NHSL3: variants seen among roughly 807,000 people sequenced by gnomAD.
NHSL3 encodes NHS like 3.
At chr1:32,768,308 G>T in the NHSL3 span, among the ~76,000 whole-genome samples, 1 of 152,138 alleles carries the variant, frequency 6.6e-6, no homozygotes, top group East Asian at 1.9e-4. Context: ...AAGTTCGAGT[G>T]GGAGGCTGGG....
the NHSL3 span, chr1:32,754,015 C>T: frequency 1.2e-5 from 6 of 510,002 alleles, no homozygotes; most frequent in Admixed American, 1.6e-4. Context: ...CGCTGCCTCC[C>T]TCCCGGGGCT....
At chr1:32,741,933 G>C in the NHSL3 span, 1 of 676,796 alleles carries the variant, frequency 1.5e-6, no homozygotes, top group Non-Finnish European at 1.9e-6. The surrounding 1 kb of genome is among the most constrained non-coding windows in gnomAD (Gnocchi z 4.3). Context: ...CTGACCCGCC[G>C]CCCGCTCCGC....
chr1:32,756,986 T>C, the NHSL3 span, among the ~76,000 whole-genome samples: 1 of 152,174 alleles, frequency 6.6e-6, no homozygotes, highest in East Asian at 1.9e-4. Flanking sequence ...AAAAAACAAA[T>C]GGAGTTGAGA....
chr1:32,744,442 G>C, the NHSL3 span, among the ~76,000 whole-genome samples: 1 of 152,180 alleles, frequency 6.6e-6, no homozygotes, highest in Non-Finnish European at 1.5e-5. Flanking sequence ...CTCAGGGACA[G>C]TGAGTGACTG....
the NHSL3 span, among the ~76,000 whole-genome samples, chr1:32,763,007 G>C: frequency 7.0e-6 from 1 of 142,006 alleles, no homozygotes; most frequent in Non-Finnish European, 1.5e-5. Flanking sequence ...TTGAGACGGA[G>C]TCTCTCTCTG....
chr1:32,754,129 C>G, the NHSL3 span: 1 of 711,674 alleles, frequency 1.4e-6, no homozygotes, highest in African/African-American at 1.8e-5. Context: ...CCCCAGCGGT[C>G]CCCGGGTCCG....
chr1:32,757,181 A>G, the NHSL3 span, among the ~76,000 whole-genome samples: 2 of 152,210 alleles, frequency 1.3e-5, no homozygotes, highest in African/African-American at 2.4e-5. Context: ...GTGCCAGTAT[A>G]AGTACTCATT....
At chr1:32,771,896 C>A in the NHSL3 span, 1 of 1,587,722 alleles carries the variant, frequency 6.3e-7, no homozygotes, top group South Asian at 1.1e-5. Context: ...CTGGGGCCAT[C>A]GGCCCCCCAG....
At chr1:32,769,176 C>G in the NHSL3 span, among the ~76,000 whole-genome samples, 2 of 151,992 alleles carry the variant, frequency 1.3e-5, no homozygotes, top group Non-Finnish European at 2.9e-5. Context: ...ATGGCGTGAA[C>G]CCAGGAGGTG....
At chr1:32,772,917 C>G in the NHSL3 span, 1 of 1,611,934 alleles carries the variant, frequency 6.2e-7, no homozygotes, top group South Asian at 1.1e-5. Flanking sequence ...CACTGCTGAC[C>G]CATCCCAGAA....
the NHSL3 span, chr1:32,774,265 G>C: frequency 6.6e-6 from 1 of 152,372 alleles, no homozygotes; most frequent in African/African-American, 2.4e-5. Flanking sequence ...ACCAAGGAGA[G>C]AGGTTGACAT....
At chr1:32,752,705 G>A in the NHSL3 span, among the ~76,000 whole-genome samples, 2 of 151,550 alleles carry the variant, frequency 1.3e-5, no homozygotes, top group Non-Finnish European at 2.9e-5. Flanking sequence ...AGCCTCCCAA[G>A]TAGCTGGGAT....
the NHSL3 span, chr1:32,765,711 G>T: frequency 1.3e-6 from 2 of 1,543,604 alleles, no homozygotes; most frequent in Admixed American, 2.0e-5. Flanking sequence ...GGTACGCCCC[G>T]CGCTCTGCTC....
At chr1:32,761,285 C>T in the NHSL3 span, among the ~76,000 whole-genome samples, 1 of 152,130 alleles carries the variant, frequency 6.6e-6, no homozygotes. Flanking sequence ...GTTGCTGAGC[C>T]CCTCCCCAAG....
the NHSL3 span, among the ~76,000 whole-genome samples, chr1:32,745,865 G>T: frequency 2.6e-4 from 40 of 152,080 alleles, no homozygotes; most frequent in Admixed American, 6.6e-4. Flanking sequence ...TGATGATGAT[G>T]ATTATTGAGG....
At chr1:32,748,704 C>T in the NHSL3 span, among the ~76,000 whole-genome samples, 105 of 152,220 alleles carry the variant, frequency 6.9e-4, no homozygotes, top group African/African-American at 2.2e-3. Context: ...GTAAAGGGCA[C>T]CTCAGTGTCC....
the NHSL3 span, among the ~76,000 whole-genome samples, chr1:32,760,921 G>A: frequency 2.6e-5 from 4 of 152,004 alleles, no homozygotes; most frequent in African/African-American, 4.8e-5. Context: ...GCCCACCTGC[G>A]GAGGTGGCCC....
the NHSL3 span, among the ~76,000 whole-genome samples, chr1:32,752,375 G>C: frequency 1.2e-4 from 19 of 152,286 alleles, no homozygotes; most frequent in Non-Finnish European, 2.2e-4. Context: ...GGAAGGATAA[G>C]CCATGTGGGG....
At chr1:32,761,153 T>C in the NHSL3 span, among the ~76,000 whole-genome samples, 1 of 152,158 alleles carries the variant, frequency 6.6e-6, no homozygotes, top group Non-Finnish European at 1.5e-5. Flanking sequence ...GCTGCACCTC[T>C]GGACTGCCAG....
Sources: allele counts gnomAD v4.1 joint callset (sites outside exome capture counted in the v4.1 genomes callset), GRCh38; gene constraint gnomAD v4.1.1; non-coding constraint Gnocchi (gnomAD v3.1); transcripts MANE v1.5; gene names NCBI Gene and HGNC (gene_info 2026-07-23, HGNC 2026-07-21).